The following LCA5 variants were observed in gnomAD, a reference collection of about 807,000 sequenced individuals.
The protein encoded by LCA5 is lebercilin.
Under a neutral mutation model 53.0 loss-of-function variants are expected in LCA5, and 37 were observed. The observed-to-expected ratio is 0.70, with a 90% CI of 0.54 to 0.92. The LOEUF (loss-of-function observed/expected upper bound fraction) is 0.92. Among genes scored for constraint, LCA5 ranks in the 40% least tolerant of loss-of-function variants. The pLI is 0.00. For synonymous variants in LCA5, 303 were observed against 282.9 expected, an observed-to-expected ratio of 1.07 and a Z score of -0.71; for missense variants, 806 against 790.5, an observed-to-expected ratio of 1.02 and a Z score of -0.23.
In LCA5 at chr6:79,487,230, T is replaced by A; in HGVS notation, c.1868A>T (p.Asp623Val). 1.2e-6 allele frequency: 2 copies of A among 1,614,052 alleles called. No individual in the cohort carries two copies. The highest frequency in any genetic ancestry group is 2.2e-5 in the South Asian group (2 of 91,078). The change falls in exon 8 of 8, where the codon GAC becomes GTC. Residue 623 changes from aspartate (D) to valine (V), a missense_variant. Physicochemically the swap from Asp to Val is radical, Grantham distance 152. Coordinates refer to ENST00000369846, the MANE Select transcript of LCA5 (RefSeq NM_001122769.3). ...TTTACTGGAAGCCACAGAATTTGGG[T>A]CACTGCTTTTGGAGGAAATGGTGCT... ...GSSTISSKSS[D>V]PNSVASSKGD...
intron 2 of LCA5, among the ~76,000 whole-genome samples, chr6:79,517,369 G>T (rs1229145544): frequency 6.6e-6 from 1 of 151,974 alleles, no homozygotes; most frequent in African/African-American, 2.4e-5. Context: ...TGTTTCTGGG[G>T]AATGAAGAAA....
intron 3 of LCA5, 46 bp downstream of exon 3, chr6:79,513,166 G>A (rs368380453): frequency 6.4e-6 from 10 of 1,561,706 alleles, no homozygotes; most frequent in Non-Finnish European, 8.8e-6. Context: ...AATGCCCAAT[G>A]AGAAACATCC....
intron 1 of LCA5, chr6:79,525,126 C>G: frequency 6.6e-6 from 1 of 152,056 alleles, no homozygotes; most frequent in Non-Finnish European, 1.5e-5. Context: ...ACTACATAAA[C>G]ATTTTCTGTT....
chr6:79,515,885 G>C (rs1766422244), intron 2 of LCA5, among the ~76,000 whole-genome samples: 1 of 152,014 alleles, frequency 6.6e-6, no homozygotes, highest in South Asian at 2.1e-4. Flanking sequence ...AGAAATGAGG[G>C]AGTGCTTAAT....
At chr6:79,488,995 G>A in intron 7 of LCA5, 89 bp downstream of exon 7, 2 of 1,464,396 alleles carry the variant, frequency 1.4e-6, no homozygotes, top group Non-Finnish European at 1.9e-6. Context: ...GCAATTCACA[G>A]TTAAGCTGGA....
chr6:79,537,639 C>T (rs1767195871), upstream of LCA5, among the ~76,000 whole-genome samples: 1 of 152,212 alleles, frequency 6.6e-6, no homozygotes, highest in African/African-American at 2.4e-5. Context: ...CTCCAGGCTC[C>T]TACGGGCTGT....
intron 3 of LCA5, among the ~76,000 whole-genome samples, chr6:79,504,315 T>C (rs927953916): frequency 2.6e-5 from 4 of 152,224 alleles, no homozygotes; most frequent in Admixed American, 2.0e-4. Flanking sequence ...CCAACATATA[T>C]ATTAATGTTA....
intron 3 of LCA5, among the ~76,000 whole-genome samples, chr6:79,512,774 AT>A (rs776268310): frequency 9.9e-5 from 15 of 152,210 alleles, no homozygotes; most frequent in Non-Finnish European, 2.1e-4. Context: ...CCTTTAACAG[AT>A]TTTTCATTCG....
intron 3 of LCA5, among the ~76,000 whole-genome samples, chr6:79,512,891 T>C (rs1323174213): frequency 3.3e-5 from 5 of 152,144 alleles, no homozygotes; most frequent in Non-Finnish European, 2.9e-5. Flanking sequence ...TGGCATCTCT[T>C]ACACAGTGGC....
chr6:79,505,993 A>G (rs1049279404), intron 3 of LCA5, among the ~76,000 whole-genome samples: 2 of 152,156 alleles, frequency 1.3e-5, no homozygotes, highest in African/African-American at 2.4e-5. Flanking sequence ...AGTGGTTTAC[A>G]TGGAAGCAAT....
chr6:79,524,534 A>T (rs994537618), intron 1 of LCA5, among the ~76,000 whole-genome samples: 2 of 152,172 alleles, frequency 1.3e-5, no homozygotes, highest in African/African-American at 4.8e-5. Flanking sequence ...TATTCAAAAT[A>T]TATCAGCATT....
chr6:79,498,054 T>C (rs908414363), intron 3 of LCA5, among the ~76,000 whole-genome samples: 17 of 151,542 alleles, frequency 1.1e-4, no homozygotes, highest in African/African-American at 3.9e-4. Flanking sequence ...GTGTAAATCA[T>C]AGTATAACCA....
intron 1 of LCA5, among the ~76,000 whole-genome samples, chr6:79,535,157 C>T (rs764005881): frequency 1.3e-5 from 2 of 151,990 alleles, no homozygotes; most frequent in Non-Finnish European, 2.9e-5. Context: ...ATGGACAATG[C>T]TAGTTTAAAA....
Position 79,487,628 on chromosome 6 carries a change from T to G in LCA5, c.1470A>C (p.Pro490=). Residue 490 remains proline (P), a synonymous_variant, in exon 8 of 8, where the codon CCA becomes CCC. Coordinates refer to ENST00000369846, the MANE Select transcript of LCA5 (RefSeq NM_001122769.3). ...DSRNLKYPVL[P]LLPDFESKLH... ...GTTTTGATTCAAAATCAGGTAACAATGGCAAAACAGGGTATTTTAGATTTC... is the reference window on the plus strand; with the variant it reads ...GTTTTGATTCAAAATCAGGTAACAAGGGCAAAACAGGGTATTTTAGATTTC... The G allele has an allele frequency of 1.2e-6, 2 of 1,614,066 alleles. No homozygotes were observed. The highest frequency in any genetic ancestry group is 1.7e-6 in the Non-Finnish European group (2 of 1,179,930).
At chr6:79,537,527 TG>T, upstream of LCA5, 1 of 152,376 alleles carries the variant, frequency 6.6e-6, no homozygotes, top group East Asian at 1.9e-4. Flanking sequence ...TCAGTGGAAC[TG>T]GAAGGCGGGA....
chr6:79,520,351 T>C (rs549847454), intron 1 of LCA5, among the ~76,000 whole-genome samples: 2 of 152,218 alleles, frequency 1.3e-5, no homozygotes, highest in Admixed American at 6.5e-5. Flanking sequence ...TGATCTCAAC[T>C]ACACACATTC....
intron 1 of LCA5, among the ~76,000 whole-genome samples, chr6:79,533,488 T>C (rs1307392844): frequency 6.6e-6 from 1 of 151,958 alleles, no homozygotes; most frequent in Non-Finnish European, 1.5e-5. Context: ...GAACTGTTTA[T>C]TTCCTAAAGC....
intron 3 of LCA5, among the ~76,000 whole-genome samples, chr6:79,499,382 T>C (rs1483922202): frequency 6.6e-6 from 1 of 152,102 alleles, no homozygotes; most frequent in African/African-American, 2.4e-5. Flanking sequence ...AAAGAGTAGT[T>C]ACTTCTGAGC....
At chr6:79,519,219 T>TA in intron 1 of LCA5, 134 bp from the exon 2 acceptor site, 1 of 353,876 alleles carries the variant, frequency 2.8e-6, no homozygotes, top group Non-Finnish European at 5.3e-6. Flanking sequence ...TTTATCTATA[T>TA]TTTCACAGAT....
Sources: allele counts gnomAD v4.1 joint callset (sites outside exome capture counted in the v4.1 genomes callset), GRCh38; gene constraint gnomAD v4.1.1; transcripts MANE v1.5; gene names NCBI Gene and HGNC (gene_info 2026-07-23, HGNC 2026-07-21).